The following DCDC1 variants were observed in gnomAD, a reference collection of about 807,000 sequenced individuals.
DCDC1 encodes the protein doublecortin domain containing 1, also known as doublecortin domain-containing protein 1.
In DCDC1, 200 loss-of-function variants were observed where a neutral mutation model predicts 178.3. The observed-to-expected ratio is 1.12, with a 90% confidence interval of 1.00 to 1.26. DCDC1 has a LOEUF of 1.26. Among genes scored for constraint, DCDC1 ranks in the 50% most tolerant of loss-of-function variants. The pLI, the probability that DCDC1 is intolerant of heterozygous loss-of-function variation, is 0.00. For missense variants in DCDC1, 1,983 were observed against 1,749.2 expected, an observed-to-expected ratio of 1.13 and a Z score of -2.38; for synonymous variants, 690 against 604.8, an observed-to-expected ratio of 1.14 and a Z score of -2.07.
chr11:31,055,925 C>T (rs1955558385), intron 20 of DCDC1, among the ~76,000 whole-genome samples: 1 of 151,848 alleles, frequency 6.6e-6, no homozygotes, highest in South Asian at 2.1e-4. Flanking sequence ...GATGGGTGCA[C>T]CAAAATCTCA....
chr11:31,282,162 A>G (rs1432310953), intron 7 of DCDC1, among the ~76,000 whole-genome samples: 2 of 152,054 alleles, frequency 1.3e-5, no homozygotes, highest in Non-Finnish European at 2.9e-5. Context: ...ATTTCTCATG[A>G]AAGGTTGATA....
intron 7 of DCDC1, among the ~76,000 whole-genome samples, chr11:31,289,786 C>T (rs1335573163): frequency 6.6e-6 from 1 of 151,936 alleles, no homozygotes; most frequent in African/African-American, 2.4e-5. Flanking sequence ...GTAGGCACTA[C>T]TGTTATCTCT....
intron 9 of DCDC1, among the ~76,000 whole-genome samples, chr11:31,240,267 T>A (rs987997746): frequency 2.0e-4 from 30 of 152,040 alleles, no homozygotes; most frequent in Non-Finnish European, 3.8e-4. Context: ...TTTCTATATA[T>A]AATGGCTTAA....
chr11:31,261,669 A>G (rs1315922310), intron 8 of DCDC1, among the ~76,000 whole-genome samples: 1 of 152,128 alleles, frequency 6.6e-6, no homozygotes, highest in Non-Finnish European at 1.5e-5. Context: ...GGACCTGAGC[A>G]ACTGTGGATG....
rs187050202 is a variant in DCDC1, at chr11:31,052,574, C to T, written c.2591+11895G>A. Among the ~76,000 whole-genome samples the T allele has an allele frequency of 1.3e-3, 198 of 152,234 alleles. 1 individual carries two copies. Among genetic ancestry groups the T allele is most frequent in the African/African-American group, 4.5e-3 (185 of 41,558 alleles). ...ACATTCCATTCAACAGTGCATGGAA[C>T]TTTCACCAGGATAGACCATATGATA... On this transcript the variant is annotated intron_variant, in intron 20 of 38. Transcript: ENST00000684477.
At chr11:31,177,172 G>T (rs1968155826) in intron 9 of DCDC1, among the ~76,000 whole-genome samples, 1 of 151,850 alleles carries the variant, frequency 6.6e-6, no homozygotes, top group African/African-American at 2.4e-5. Context: ...GGAGGAGGGG[G>T]GAGTCTAGAA....
chr11:31,307,709 T>G lies in DCDC1; in HGVS notation c.364A>C (p.Lys122Gln), dbSNP rs1948547517. Residue 122 changes from lysine to glutamine, a missense_variant, in exon 4 of 39, where the codon AAA becomes CAA. Lys to Gln is a moderately conservative substitution (Grantham distance 53). Transcript: ENST00000684477. ...GCTGATATAGAACAAGAATTGTTTT[T>G]ACTGTTTGATTTGTAGCTATCTAGG... Reference protein sequence around the residue: ...SDLDSYKSNSKNNSCSISASK... With the variant: ...SDLDSYKSNSQNNSCSISASK... 1.2e-6 allele frequency: 2 copies of G among 1,614,106 alleles called. No homozygotes were observed. Among genetic ancestry groups the G allele is most frequent in the Non-Finnish European group, 8.5e-7 (1 of 1,179,974 alleles).
chr11:30,906,611 G>A lies in DCDC1; in HGVS notation c.4033C>T (p.Leu1345Phe). 1 of 1,613,442 alleles carries A rather than the reference G, an allele frequency of 6.2e-7. No individual in the cohort carries two copies. Among genetic ancestry groups the A allele is most frequent in the Non-Finnish European group, 8.5e-7 (1 of 1,179,684 alleles). ...TGAGTCTTGGTGCCTGAAATACAGA[G>A]GAATGGAACCCCTGGAAGCAATTGT... Reference protein sequence around the residue: ...LKQLLPGVPFLCISGTKTQKP... With the variant: ...LKQLLPGVPFFCISGTKTQKP... The change falls in exon 30 of 39, where the codon CTC becomes TTC. Residue 1345 changes from leucine (L) to phenylalanine (F), a missense_variant. Transcript: ENST00000684477.
chr11:31,171,738 C>G (rs550701190), intron 9 of DCDC1, among the ~76,000 whole-genome samples: 228 of 152,308 alleles, frequency 1.5e-3, no homozygotes, highest in African/African-American at 5.0e-3. Flanking sequence ...TTTACAACAT[C>G]TGGAATGCAG....
intron 9 of DCDC1, among the ~76,000 whole-genome samples, chr11:31,149,137 C>T (rs140310500): frequency 6.6e-6 from 1 of 152,316 alleles, no homozygotes; most frequent in African/African-American, 2.4e-5. Flanking sequence ...TTAATCCACT[C>T]ATTGGTTGAT....
intron 20 of DCDC1, among the ~76,000 whole-genome samples, chr11:31,064,150 T>C (rs1207554484): frequency 6.6e-6 from 1 of 152,174 alleles, no homozygotes; most frequent in Non-Finnish European, 1.5e-5. Flanking sequence ...CATAGCTTGG[T>C]ATTTTAACAA....
chr11:31,056,413 A>G (rs1001127108), intron 20 of DCDC1, among the ~76,000 whole-genome samples: 1 of 152,124 alleles, frequency 6.6e-6, no homozygotes, highest in Non-Finnish European at 1.5e-5. Context: ...CAGAGATTGT[A>G]ATACTGCACT....
chr11:31,271,239 T>G (rs1338830026), intron 7 of DCDC1, among the ~76,000 whole-genome samples: 4 of 152,194 alleles, frequency 2.6e-5, no homozygotes, highest in African/African-American at 7.2e-5. Flanking sequence ...TCCAGTTATA[T>G]TACAAGAGTT....
chr11:31,019,662 C>G (rs769833036), intron 20 of DCDC1, among the ~76,000 whole-genome samples: 12 of 151,988 alleles, frequency 7.9e-5, no homozygotes, highest in Non-Finnish European at 1.8e-4. Flanking sequence ...CATGTCACGC[C>G]CCATTTAAAT....
intron 7 of DCDC1, among the ~76,000 whole-genome samples, chr11:31,276,265 A>G (rs1165315910): frequency 2.6e-5 from 4 of 152,236 alleles, no homozygotes; most frequent in Non-Finnish European, 5.9e-5. Context: ...ATATAAACCT[A>G]AAAAGCAAAC....
At chr11:31,355,069 C>A (rs1348271605) in intron 1 of DCDC1, among the ~76,000 whole-genome samples, 1 of 151,964 alleles carries the variant, frequency 6.6e-6, no homozygotes, top group African/African-American at 2.4e-5. Context: ...CAAGGATGCA[C>A]TTTGTGAATG....
chr11:30,957,919 T>G (rs528704740), intron 20 of DCDC1, among the ~76,000 whole-genome samples: 3 of 152,318 alleles, frequency 2.0e-5, no homozygotes, highest in African/African-American at 7.2e-5. Flanking sequence ...ACAGTTTCTC[T>G]ATGACTATTT....
intron 20 of DCDC1, among the ~76,000 whole-genome samples, chr11:31,036,022 C>T (rs897300937): frequency 6.6e-6 from 1 of 152,116 alleles, no homozygotes; most frequent in African/African-American, 2.4e-5. Context: ...GCTCCTGTGC[C>T]CCTTCAACAT....
intron 3 of DCDC1, among the ~76,000 whole-genome samples, chr11:31,310,811 A>C (rs1161508279): frequency 6.6e-6 from 1 of 152,180 alleles, no homozygotes; most frequent in Non-Finnish European, 1.5e-5. Flanking sequence ...AGAAACAGAG[A>C]GGCACACTTA....
Sources: allele counts gnomAD v4.1 joint callset (sites outside exome capture counted in the v4.1 genomes callset), GRCh38; gene constraint gnomAD v4.1.1; transcripts MANE v1.5; gene names NCBI Gene and HGNC (gene_info 2026-07-23, HGNC 2026-07-21).